Variants in SLC22A8 observed in about 807,000 individuals in gnomAD.
SLC22A8 encodes the protein organic anion transporter 3.
Under a neutral mutation model 48.4 loss-of-function variants are expected in SLC22A8, and 40 were observed. The ratio of observed to expected loss-of-function variants is 0.83; its 90% confidence interval spans 0.64 to 1.08. The LOEUF (loss-of-function observed/expected upper bound fraction) is 1.08, where lower values mean the gene tolerates loss of function less well. Ranked by LOEUF, SLC22A8 falls within the 50% of genes least tolerant of loss-of-function variation. SLC22A8 has a pLI of 0.00. For missense variants in SLC22A8, 606 were observed against 699.0 expected (o/e 0.87, Z 1.50); for synonymous variants, 268 against 286.3 (o/e 0.94, Z 0.65).
chr11:63,011,330 G>C (rs747920174), intron 2 of SLC22A8, among the ~76,000 whole-genome samples: 1 of 152,220 alleles, frequency 6.6e-6, no homozygotes, highest in South Asian at 2.1e-4. Context: ...TTATGTGGCC[G>C]AAGTGCTTAG....
chr11:63,003,721 T>A (rs1044438901), intron 2 of SLC22A8, among the ~76,000 whole-genome samples: 1 of 152,180 alleles, frequency 6.6e-6, no homozygotes, highest in Admixed American at 6.5e-5. Context: ...AAGAGATGTA[T>A]GTTACTTCCA....
At position 62,999,846 on chromosome 11, in the gene SLC22A8, T is replaced by C. The variant is rs2135126126; in HGVS notation, c.438-4A>G. On this transcript the variant is annotated splice_polypyrimidine_tract_variant and splice_region_variant and intron_variant, in intron 3 of 10. Transcript: ENST00000336232. ...CAGGATGGGCCTGCGGCCAAACCTG[T>C]AGCTCGAAGGAGAGGAGGGGCCAGG... 1 of 1,524,790 alleles carries C rather than the reference T, an allele frequency of 6.6e-7. No homozygotes were observed. The allele number at this position is 1,524,790 out of a possible 1,614,324, so 94.5% of individuals were successfully genotyped here. A position where few individuals can be genotyped will look rare whatever the true frequency, so the allele number is the denominator to read the frequency against.
chr11:63,001,117 C>A lies in SLC22A8; in HGVS notation c.334-294G>T, dbSNP rs76873703. The A allele has an allele frequency of 1.3e-5, 5 of 389,332 alleles. No individual in the cohort carries two copies. The East Asian group carries it at 2.9e-4, about 23-fold the overall frequency. 24.1% of individuals were successfully genotyped at this position (389,332 alleles called of 1,614,324 possible). On this transcript the variant is annotated intron_variant, in intron 2 of 10. Coordinates refer to ENST00000336232, the MANE Select transcript of SLC22A8 (RefSeq NM_004254.4). ...AACTGCTTCCTCCTCTCCAAGTTGC[C>A]TGCTTCCCTGTTTGCCTCCTCCCTG...
intron 3 of SLC22A8, 60 bp from the exon 4 acceptor site, chr11:62,999,902 A>C: frequency 1.5e-6 from 2 of 1,369,218 alleles, no homozygotes; most frequent in Non-Finnish European, 1.9e-6. Context: ...AAGAGGAGTG[A>C]CTCTGCATGC....
In SLC22A8 at chr11:63,009,571, A is replaced by G. The variant is rs535698695; in HGVS notation, c.333+5055T>C. ...CTCTCCAGGGAGCCCAGAGTCCAGA[A>G]TTCGTGTTCCCATGCTTTCTAGACT... On this transcript the variant is annotated intron_variant, in intron 2 of 10. Coordinates refer to ENST00000336232, the MANE Select transcript of SLC22A8 (RefSeq NM_004254.4). Among the ~76,000 whole-genome samples the G allele has an allele frequency of 2.0e-5, 3 of 152,312 alleles. No individual in the cohort carries two copies. In the South Asian group the frequency reaches 6.2e-4, roughly 32 times the overall value.
chr11:63,012,895 T>C (rs2086635159), intron 2 of SLC22A8, among the ~76,000 whole-genome samples: 1 of 152,208 alleles, frequency 6.6e-6, no homozygotes, highest in Non-Finnish European at 1.5e-5. Context: ...TCAGGCATTA[T>C]GCTTGGTGCT....
At chr11:63,004,546 A>G (rs1385907055) in intron 2 of SLC22A8, among the ~76,000 whole-genome samples, 1 of 152,140 alleles carries the variant, frequency 6.6e-6, no homozygotes, top group Non-Finnish European at 1.5e-5. Context: ...CTTTGCTCAA[A>G]TGTTATCTTC....
Position 62,995,713 on chromosome 11 carries a change from G to A in SLC22A8, c.992C>T (p.Ser331Phe), listed in dbSNP as rs745978423. Reference protein sequence around the residue: ...PMLRRMTFCLSLAWFATGFAY... With the variant: ...PMLRRMTFCLFLAWFATGFAY... ...GGGAGAGGGGGGTTACCAGGCCAGG[G>A]AAAGACAGAAGGTCATGCGGCGCAG... Residue 331 changes from serine to phenylalanine, a missense_variant, in exon 7 of 11, where the codon TCC becomes TTC. By Grantham distance (155) the Ser-to-Phe change is radical. Transcript: ENST00000336232. 1.9e-6 allele frequency: 3 copies of A among 1,613,434 alleles called. No individual in the cohort carries two copies. The East Asian group carries it at 6.7e-5, about 36-fold the overall frequency.
chr11:62,993,243 G>A lies in SLC22A8; in HGVS notation c.1623C>T (p.Ser541=), dbSNP rs2086364185. 2 of 1,611,616 alleles carry A rather than the reference G, an allele frequency of 1.2e-6. No homozygotes were observed. Among genetic ancestry groups the A allele is most frequent in the Non-Finnish European group, 1.7e-6 (2 of 1,179,354 alleles). ...PLQPHGPGLG[S]S is the part of the protein sequence containing the mutation. Reference sequence around the variant, plus strand: ...AAAGGGGGTTCCGTTGTCCTCAGCTGGAGCCCAGGCCTGGTCCGTGAGGCT... The same window carrying A: ...AAAGGGGGTTCCGTTGTCCTCAGCTAGAGCCCAGGCCTGGTCCGTGAGGCT... Residue 541 remains serine (S), a synonymous_variant, in exon 11 of 11, where the codon TCC becomes TCT. Transcript: ENST00000336232.
At chr11:63,014,584 G>A (rs1363528589) in intron 2 of SLC22A8, 42 bp downstream of exon 2, 2 of 1,509,058 alleles carry the variant, frequency 1.3e-6, no homozygotes, top group Admixed American at 1.8e-5. Flanking sequence ...AGGGTATGGG[G>A]GTACGTGGGT....
chr11:62,994,879 G>T (rs966322850), intron 7 of SLC22A8, 123 bp from the exon 8 acceptor site: 2 of 737,900 alleles, frequency 2.7e-6, no homozygotes, highest in Non-Finnish European at 4.8e-6. Context: ...ACTGATGATA[G>T]GGGCTGCTTG....
chr11:62,994,839 T>C, intron 7 of SLC22A8, 83 bp from the exon 8 acceptor site: 1 of 1,029,922 alleles, frequency 9.7e-7, no homozygotes, highest in East Asian at 2.4e-5. Context: ...ACCAGGATGA[T>C]GAATAGCTTC....
chr11:63,010,919 G>A (rs1394889112), intron 2 of SLC22A8, among the ~76,000 whole-genome samples: 1 of 152,230 alleles, frequency 6.6e-6, no homozygotes, highest in Non-Finnish European at 1.5e-5. Context: ...GCAGTGAGCG[G>A]TGTCTACATC....
chr11:63,003,375 C>A (rs1287958205), intron 2 of SLC22A8, among the ~76,000 whole-genome samples: 1 of 152,160 alleles, frequency 6.6e-6, no homozygotes, highest in Admixed American at 6.5e-5. Flanking sequence ...GGTCCTACAG[C>A]TGTCTCAGAG....
chr11:63,015,103 G>A (rs2086660216), intron 1 of SLC22A8, 120 bp from the exon 2 acceptor site: 1 of 604,460 alleles, frequency 1.7e-6, no homozygotes, highest in East Asian at 2.8e-5. Flanking sequence ...GTGGAGCAGA[G>A]CATGTGTAAG....
At chr11:63,011,837 T>C (rs1360082638) in intron 2 of SLC22A8, among the ~76,000 whole-genome samples, 1 of 152,162 alleles carries the variant, frequency 6.6e-6, no homozygotes, top group African/African-American at 2.4e-5. Context: ...CCCATTGCCC[T>C]TAGGACAAAG....
At position 62,993,304 on chromosome 11, in the gene SLC22A8, G is replaced by A. The variant is rs1198348465; in HGVS notation, c.1562C>T (p.Pro521Leu). The change falls in exon 11 of 11, where the codon CCA (proline) becomes CTA (leucine). Residue 521 changes from proline (P) to leucine (L), a missense_variant. Physicochemically the swap from Pro to Leu is moderately conservative, Grantham distance 98. Coordinates refer to ENST00000336232, the MANE Select transcript of SLC22A8 (RefSeq NM_004254.4). ...SLRAKKPKQEPEVEKASQRIP... is the reference protein window; with the variant it reads ...SLRAKKPKQELEVEKASQRIP... ...CCTCTGGGAGGCCTTTTCCACCTCTGGCTCCTGCTTTGGCTTCTTTGCCCG... is the reference window on the plus strand; with the variant it reads ...CCTCTGGGAGGCCTTTTCCACCTCTAGCTCCTGCTTTGGCTTCTTTGCCCG... 6.2e-7 allele frequency: 1 copy of A among 1,613,914 alleles called. No homozygotes were observed.
In SLC22A8 at chr11:63,000,814, C is replaced by T; in HGVS notation, c.343G>A (p.Val115Met). 1 of 1,612,666 alleles carries T rather than the reference C, an allele frequency of 6.2e-7. No individual in the cohort carries two copies. ...TCCTTCAGTTTGTTGGAGTTGCACA[C>T]CAAGTCCCACTGCACAAGAGAAAGG... ...KDSIVTEWDL[V>M]CNSNKLKEMA... is the part of the protein sequence containing the mutation. The change falls in exon 3 of 11, where the codon GTG (valine) becomes ATG (methionine). Residue 115 changes from valine (V) to methionine (M), a missense_variant. Val to Met is a conservative substitution (Grantham distance 21, BLOSUM62 1). Coordinates refer to ENST00000336232, the MANE Select transcript of SLC22A8 (RefSeq NM_004254.4).
chr11:62,999,604 G>A, intron 4 of SLC22A8, 84 bp downstream of exon 4: 1 of 1,206,732 alleles, frequency 8.3e-7, no homozygotes, highest in African/African-American at 1.6e-5. Flanking sequence ...GGAGCCTGTG[G>A]TTGAGCCAGA....
Sources: allele counts gnomAD v4.1 joint callset (sites outside exome capture counted in the v4.1 genomes callset), GRCh38; gene constraint gnomAD v4.1.1; transcripts MANE v1.5; gene names NCBI Gene and HGNC (gene_info 2026-07-23, HGNC 2026-07-21).